IGF1R: variants seen among roughly 807,000 people sequenced by gnomAD.
IGF1R encodes the protein insulin like growth factor 1 receptor.
Under a neutral mutation model 144.6 loss-of-function variants are expected in IGF1R, and 44 were observed. The observed-to-expected ratio is 0.30, with a 90% CI of 0.24 to 0.39. The LOEUF is 0.39. Ranked by LOEUF, IGF1R falls within the 10% of genes least tolerant of loss-of-function variation. The pLI, the probability that IGF1R is intolerant of heterozygous loss-of-function variation, is 1.00. For synonymous variants in IGF1R, 795 were observed against 722.8 expected, an observed-to-expected ratio of 1.10 and a Z score of -1.60; for missense variants, 1,355 against 1,833.7, an observed-to-expected ratio of 0.74 and a Z score of 4.77.
intron 2 of IGF1R, among the ~76,000 whole-genome samples, chr15:98,856,866 A>G (rs2011848409): frequency 6.6e-6 from 1 of 152,242 alleles, no homozygotes; most frequent in Admixed American, 6.5e-5. Flanking sequence ...CAGTAAAGAA[A>G]TACAAGTGTG....
chr15:98,772,735 A>G (rs560844767), intron 2 of IGF1R, among the ~76,000 whole-genome samples: 1 of 151,628 alleles, frequency 6.6e-6, no homozygotes, highest in Non-Finnish European at 1.5e-5. Context: ...CCCAGCCAAA[A>G]GGTCACTTTT....
intron 15 of IGF1R, among the ~76,000 whole-genome samples, chr15:98,930,780 T>G: frequency 6.6e-6 from 1 of 152,170 alleles, no homozygotes; most frequent in Middle Eastern, 3.2e-3. Context: ...CCCTTCCGAC[T>G]AGGGTCATAC....
In IGF1R at chr15:98,815,470, G is replaced by T. The variant is rs147925408; in HGVS notation, c.641-75855G>T. ...GCAGGCCTTTGTGTATGCCGGGCTG[G>T]GCCCATGCAAACAGGGCACAATCAG... On this transcript the variant is annotated intron_variant, in intron 2 of 20. Coordinates refer to ENST00000650285, the MANE Select transcript of IGF1R (RefSeq NM_000875.5). Among the ~76,000 whole-genome samples the T allele has an allele frequency of 3.5e-3, 530 of 152,360 alleles. 1 individual carries two copies. Among genetic ancestry groups the T allele is most frequent in the Non-Finnish European group, 5.6e-3 (380 of 68,038 alleles).
intron 2 of IGF1R, among the ~76,000 whole-genome samples, chr15:98,857,794 AACTG>A (rs1264338351): frequency 1.3e-5 from 2 of 152,238 alleles, no homozygotes; most frequent in Non-Finnish European, 2.9e-5. Flanking sequence ...ACACAGGATT[AACTG>A]ACAAAATTCT....
intron 2 of IGF1R, among the ~76,000 whole-genome samples, chr15:98,717,214 G>A (rs938471103): frequency 2.0e-4 from 30 of 152,296 alleles, no homozygotes; most frequent in African/African-American, 7.0e-4. Context: ...GGTATGTGGT[G>A]CTAGGACAAA....
chr15:98,915,620 G>A (rs990177276), intron 8 of IGF1R, among the ~76,000 whole-genome samples: 2 of 152,182 alleles, frequency 1.3e-5, no homozygotes, highest in African/African-American at 4.8e-5. Context: ...GTGGAGAATG[G>A]CAGTTGTAAT....
chr15:98,903,126 G>A (rs1051515839), intron 5 of IGF1R, among the ~76,000 whole-genome samples: 3 of 152,200 alleles, frequency 2.0e-5, no homozygotes, highest in Admixed American at 6.5e-5. Context: ...AAAGGAAACA[G>A]GTTTTGTAAT....
At position 98,960,221 on chromosome 15, in the gene IGF1R, A is replaced by G; in HGVS notation, c.*2779A>G. On this transcript the variant is annotated 3_prime_UTR_variant, in exon 21 of 21. Transcript: ENST00000650285. ...AAGCCAGGCTGTATTCCGGGGTCAA[A>G]GCAACACTAACTCACCTCTCTGCTC... The G allele has an allele frequency of 8.6e-6, 2 of 233,654 alleles. No homozygotes were observed. The highest frequency in any genetic ancestry group is 1.7e-5 in the Non-Finnish European group (2 of 118,056). The allele number at this position is 233,654 out of a possible 1,614,324, so 14.5% of individuals were successfully genotyped here. A position where few individuals can be genotyped will look rare whatever the true frequency, so the allele number is the denominator to read the frequency against.
intron 1 of IGF1R, among the ~76,000 whole-genome samples, chr15:98,698,121 C>A (rs932527959): frequency 6.6e-6 from 1 of 151,528 alleles, no homozygotes; most frequent in South Asian, 2.1e-4. Flanking sequence ...TCACTGCAAC[C>A]TCTGCCTCCC....
intron 1 of IGF1R, among the ~76,000 whole-genome samples, chr15:98,696,130 A>G (rs907712896): frequency 6.7e-6 from 1 of 148,346 alleles, no homozygotes; most frequent in African/African-American, 2.5e-5. Context: ...ACATTTGTGC[A>G]TTTCTTTTTT....
intron 2 of IGF1R, among the ~76,000 whole-genome samples, chr15:98,793,998 G>A (rs2056184069): frequency 1.3e-5 from 2 of 152,180 alleles, no homozygotes; most frequent in South Asian, 2.1e-4. Flanking sequence ...GCACAGTGGC[G>A]AAGCGCCCTA....
chr15:98,692,478 G>A lies in IGF1R; in HGVS notation c.95-15084G>A, dbSNP rs551400022. Among the ~76,000 whole-genome samples, 12 of 152,290 alleles carry A rather than the reference G, an allele frequency of 7.9e-5. No individual in the cohort carries two copies. The South Asian group carries it at 2.5e-3, about 32-fold the overall frequency. ...CTCCTTTGGCCTCCCAAAGTGCTGG[G>A]GTTACAGGCATGAGCCACTATGCTC... On this transcript the variant is annotated intron_variant, in intron 1 of 20. Transcript: ENST00000650285.
At chr15:98,941,502 G>A (rs1020916969) in intron 18 of IGF1R, among the ~76,000 whole-genome samples, 2 of 152,150 alleles carry the variant, frequency 1.3e-5, no homozygotes, top group African/African-American at 2.4e-5. Flanking sequence ...TTTGTGCTGA[G>A]GAAGGTCGTT....
At chr15:98,667,578 A>AT (rs539527257) in intron 1 of IGF1R, among the ~76,000 whole-genome samples, 1 of 152,004 alleles carries the variant, frequency 6.6e-6, no homozygotes. Context: ...CTCTGGGGCT[A>AT]TTTTTTTCTG....
rs756897082 is a variant in IGF1R at position 98,922,249 on chromosome 15, C to T, written c.2303C>T (p.Pro768Leu). 8 of 1,614,044 alleles carry T rather than the reference C, an allele frequency of 5.0e-6. No homozygotes were observed. Among genetic ancestry groups the T allele is most frequent in the African/African-American group, 2.7e-5 (2 of 74,922 alleles). The change falls in exon 11 of 21, where the codon CCG (proline) becomes CTG (leucine). Residue 768 changes from proline to leucine, a missense_variant. Pro to Leu is a moderately conservative substitution (Grantham distance 98). Around this residue, in one of 7 missense-constraint regions of IGF1R, gnomAD observed 880 missense variants for 1,202.7 expected, o/e 0.73. Coordinates refer to ENST00000650285, the MANE Select transcript of IGF1R (RefSeq NM_000875.5). ...GCAGACACCTACAACATCACCGACC[C>T]GGAAGAGCTGGAGACAGAGTACCCT... ...TAADTYNITDPEELETEYPFF... is the reference protein window; with the variant it reads ...TAADTYNITDLEELETEYPFF...
intron 5 of IGF1R, 66 bp from the exon 6 acceptor site, chr15:98,908,619 G>C: frequency 8.2e-7 from 1 of 1,214,106 alleles, no homozygotes; most frequent in Non-Finnish European, 1.2e-6. Flanking sequence ...TGTGTTACGT[G>C]GCCAGCAGGC....
chr15:98,676,576 A>T (rs2053052409), intron 1 of IGF1R, among the ~76,000 whole-genome samples: 1 of 152,056 alleles, frequency 6.6e-6, no homozygotes, highest in Non-Finnish European at 1.5e-5. Context: ...AAAAAAAAAA[A>T]TTTGAAGCAC....
intron 18 of IGF1R, among the ~76,000 whole-genome samples, chr15:98,940,478 A>T (rs1250705721): frequency 6.6e-6 from 1 of 152,338 alleles, no homozygotes; most frequent in East Asian, 1.9e-4. Context: ...ATCTTGGCTC[A>T]CCACAACCTC....
intron 2 of IGF1R, among the ~76,000 whole-genome samples, chr15:98,869,421 C>T (rs377085659): frequency 1.0e-3 from 158 of 150,524 alleles, no homozygotes; most frequent in African/African-American, 3.8e-3. Flanking sequence ...TGGAACCTGG[C>T]TCCCTTGAGA....
Sources: gnomAD v4.1 joint callset for allele counts (sites outside exome capture counted in the v4.1 genomes callset) on GRCh38, gnomAD v4.1.1 for gene constraint, gnomAD v4.1.1 regional missense constraint, MANE v1.5 for transcripts, NCBI Gene and HGNC (gene_info 2026-07-23, HGNC 2026-07-21) for gene names.